TSGA10: variants seen among roughly 807,000 people sequenced by gnomAD.
TSGA10 encodes the protein testis-specific gene 10 protein.
A neutral mutation model predicts 96.6 loss-of-function variants in TSGA10; 43 were observed. The observed-to-expected ratio is 0.44, with a 90% CI of 0.35 to 0.57. The LOEUF is 0.57. Ranked by LOEUF, TSGA10 falls within the 20% of genes least tolerant of loss-of-function variation. The pLI is 0.01. For missense variants in TSGA10, 703 were observed against 834.4 expected, an observed-to-expected ratio of 0.84 and a Z score of 1.94; for synonymous variants, 229 against 269.9, an observed-to-expected ratio of 0.85 and a Z score of 1.48.
chr2:99,068,214 T>C (rs906574702), intron 15 of TSGA10, among the ~76,000 whole-genome samples: 2 of 152,166 alleles, frequency 1.3e-5, no homozygotes, highest in Non-Finnish European at 2.9e-5. Context: ...GATATGTTTG[T>C]GGACTGACAT....
chr2:99,096,587 T>G (rs2104733351), intron 10 of TSGA10, among the ~76,000 whole-genome samples: 1 of 152,374 alleles, frequency 6.6e-6, no homozygotes, highest in Admixed American at 6.5e-5. Context: ...TACATTTGAC[T>G]CAAATTTTGC....
Position 99,009,381 on chromosome 2 carries a change from C to T in TSGA10, c.2072+8819G>A, listed in dbSNP as rs567547750. On this transcript the variant is annotated intron_variant, in intron 20 of 20. Coordinates refer to ENST00000393483, the MANE Select transcript of TSGA10 (RefSeq NM_025244.4). Reference sequence around the variant, plus strand: ...GTTCAGGAGATCGAGACCATCCTGGCTAACACGGTGAAAACCCCGTCTCTA... The same window carrying T: ...GTTCAGGAGATCGAGACCATCCTGGTTAACACGGTGAAAACCCCGTCTCTA... Among the ~76,000 whole-genome samples, 3 of 151,724 alleles carry T rather than the reference C, an allele frequency of 2.0e-5. 1 individual carries two copies. The South Asian group carries it at 6.3e-4, about 32-fold the overall frequency.
Position 99,012,434 on chromosome 2 carries a change from A to G in TSGA10, c.2072+5766T>C, listed in dbSNP as rs140819241. The stretch of plus-strand genomic sequence containing the variant: ...ACTGACTAAGTATCTGCTATCTTCA[A>G]GAGACTCACCTAACACATAAGGACT... On this transcript the variant is annotated intron_variant, in intron 20 of 20. Transcript: ENST00000393483. Among the ~76,000 whole-genome samples, 434 of 152,336 alleles carry G rather than the reference A, an allele frequency of 2.8e-3. 2 individuals carry two copies. Among genetic ancestry groups the G allele is most frequent in the African/African-American group, 9.9e-3 (413 of 41,580 alleles).
chr2:99,093,113 A>T (rs2089557721), intron 10 of TSGA10, among the ~76,000 whole-genome samples: 1 of 152,162 alleles, frequency 6.6e-6, no homozygotes, highest in Non-Finnish European at 1.5e-5. Context: ...CAAGTCAATA[A>T]ATGTGACAGA....
At chr2:99,098,934 C>T (rs963940894) in intron 10 of TSGA10, among the ~76,000 whole-genome samples, 1 of 152,052 alleles carries the variant, frequency 6.6e-6, no homozygotes, top group Admixed American at 6.6e-5. Context: ...AACTGTTCCA[C>T]AAAATGACAG....
intron 16 of TSGA10, among the ~76,000 whole-genome samples, chr2:99,062,669 A>G (rs542527689): frequency 1.2e-4 from 19 of 152,184 alleles, no homozygotes; most frequent in Non-Finnish European, 1.9e-4. Context: ...CAGGAATTGG[A>G]GGCTGCGGTG....
chr2:99,017,970 A>C (rs914831366), intron 20 of TSGA10, among the ~76,000 whole-genome samples: 6 of 152,082 alleles, frequency 3.9e-5, no homozygotes, highest in Admixed American at 2.6e-4. Context: ...GAAATAAAAA[A>C]ATATATAATT....
intron 1 of TSGA10, among the ~76,000 whole-genome samples, chr2:99,128,449 C>T (rs909784551): frequency 6.6e-5 from 10 of 152,248 alleles, no homozygotes; most frequent in South Asian, 4.2e-4. Context: ...CAGAATGAAA[C>T]GACTCCTCAC....
chr2:99,027,039 G>A (rs1190110554), intron 17 of TSGA10, among the ~76,000 whole-genome samples: 7 of 152,188 alleles, frequency 4.6e-5, no homozygotes, highest in Admixed American at 1.3e-4. Flanking sequence ...TAGGGTGCAC[G>A]CTTTTATGAG....
chr2:99,009,571 CAAAAAAAAAAAA>C (rs765452742), intron 20 of TSGA10, among the ~76,000 whole-genome samples: 1 of 45,434 alleles, frequency 2.2e-5, no homozygotes, highest in Non-Finnish European at 4.3e-5. Context: ...GACCCTGTCT[CAAAAAAAAAAAA>C]AAAAAAAAAA....
chr2:99,122,381 C>T (rs558276346), intron 2 of TSGA10, among the ~76,000 whole-genome samples: 1 of 152,076 alleles, frequency 6.6e-6, no homozygotes, highest in African/African-American at 2.4e-5. Context: ...AGAAACCTTA[C>T]CTGTTAGCTC....
intron 7 of TSGA10, among the ~76,000 whole-genome samples, chr2:99,106,583 A>T (rs931074270): frequency 2.0e-5 from 3 of 151,602 alleles, no homozygotes; most frequent in Non-Finnish European, 4.4e-5. Context: ...GTCTATAACT[A>T]TTGCCAATGG....
chr2:99,090,382 C>G (rs1352415776), intron 10 of TSGA10, among the ~76,000 whole-genome samples: 1 of 152,176 alleles, frequency 6.6e-6, no homozygotes, highest in African/African-American at 2.4e-5. Context: ...AAAAATCACA[C>G]TAGCTCACCA....
chr2:99,108,812 A>G, intron 7 of TSGA10, 21 bp downstream of exon 7: 1 of 1,504,052 alleles, frequency 6.6e-7, no homozygotes, highest in Non-Finnish European at 8.9e-7. Flanking sequence ...TACTTATATA[A>G]TTTGTTTTTT....
chr2:99,084,745 T>C (rs1303228477), intron 10 of TSGA10, among the ~76,000 whole-genome samples: 1 of 151,980 alleles, frequency 6.6e-6, no homozygotes, highest in East Asian at 1.9e-4. Context: ...AGTGGTTTTA[T>C]GGCATCAGCG....
intron 4 of TSGA10, among the ~76,000 whole-genome samples, chr2:99,111,346 T>C (rs1220785761): frequency 6.6e-6 from 1 of 152,170 alleles, no homozygotes; most frequent in Non-Finnish European, 1.5e-5. Flanking sequence ...ACTTTTTGTA[T>C]CAATTTATGA....
rs759301515 is a variant in TSGA10 at position 99,027,131 on chromosome 2, C to T, written c.1615-6649G>A. On this transcript the variant is annotated intron_variant, in intron 17 of 20. Coordinates refer to ENST00000393483, the MANE Select transcript of TSGA10 (RefSeq NM_025244.4). ...CACCCACCGCTCACCTCCTGCTGTG[C>T]GGCTAGGACTGGTACCAGTCTGTGG... 1.7e-4 allele frequency among the ~76,000 whole-genome samples: 26 copies of T among 152,310 alleles called. No individual in the cohort carries two copies. The South Asian group carries it at 2.1e-3, about 12-fold the overall frequency.
chr2:99,107,754 G>T (rs2091476985), intron 7 of TSGA10, among the ~76,000 whole-genome samples: 1 of 152,142 alleles, frequency 6.6e-6, no homozygotes, highest in Non-Finnish European at 1.5e-5. Context: ...ATTGTCCAAA[G>T]CTGCTTTCAC....
At chr2:99,125,698 T>C (rs11695379) in intron 2 of TSGA10, 89,919 of 152,094 alleles carry the variant, frequency 0.59, 27,538 homozygotes, top group East Asian at 0.88. Flanking sequence ...CTTATTTCTG[T>C]TAGATCAAAG....
Sources: gnomAD v4.1 joint callset for allele counts (sites outside exome capture counted in the v4.1 genomes callset) on GRCh38, gnomAD v4.1.1 for gene constraint, MANE v1.5 for transcripts, NCBI Gene and HGNC (gene_info 2026-07-23, HGNC 2026-07-21) for gene names.